Variants in ERBB4 observed in about 807,000 individuals in gnomAD.
ERBB4 encodes the protein erb-b2 receptor tyrosine kinase 4, also known as receptor tyrosine-protein kinase erbB-4.
ERBB4 carries 42 observed loss-of-function variants against 158.0 expected under a neutral mutation model. The observed-to-expected ratio is 0.27, with a 90% CI of 0.21 to 0.34. The LOEUF (loss-of-function observed/expected upper bound fraction) is 0.34, where lower values mean the gene tolerates loss of function less well. Among genes scored for constraint, ERBB4 ranks in the 10% least tolerant of loss-of-function variants. The pLI, the probability that ERBB4 is intolerant of heterozygous loss-of-function variation, is 1.00. For missense variants in ERBB4, 1,333 were observed against 1,624.1 expected (o/e 0.82, Z 3.08); for synonymous variants, 583 against 558.7 (o/e 1.04, Z -0.61).
At chr2:212,373,857 A>G (rs2090187049) in intron 1 of ERBB4, among the ~76,000 whole-genome samples, 1 of 135,512 alleles carries the variant, frequency 7.4e-6, no homozygotes, top group South Asian at 2.4e-4. Flanking sequence ...ATATCCATGT[A>G]TATATCCATA....
At chr2:211,914,827 C>G (rs1175670440) in intron 3 of ERBB4, among the ~76,000 whole-genome samples, 2 of 151,904 alleles carry the variant, frequency 1.3e-5, no homozygotes, top group Non-Finnish European at 2.9e-5. Flanking sequence ...TTATTCTTAT[C>G]AATATTATTG....
In ERBB4 at chr2:211,376,179, G is replaced by C; in HGVS notation, c.*7436C>G. 4.3e-6 allele frequency: 1 copy of C among 233,160 alleles called. No individual in the cohort carries two copies. The highest frequency in any genetic ancestry group is 8.5e-6 in the Non-Finnish European group (1 of 117,744). The allele number at this position is 233,160 out of a possible 1,614,324, so 14.4% of individuals were successfully genotyped here. ...TTGGCATATCCTATTGTGTAAGCGA[G>C]TGCAGAGGTTGAACACATCACAATA... On this transcript the variant is annotated 3_prime_UTR_variant, in exon 28 of 28. Coordinates refer to ENST00000342788, the MANE Select transcript of ERBB4 (RefSeq NM_005235.3).
chr2:212,303,205 A>G (rs1007962778), intron 1 of ERBB4, among the ~76,000 whole-genome samples: 5 of 151,542 alleles, frequency 3.3e-5, no homozygotes, highest in Middle Eastern at 3.4e-3. Context: ...TTTCAGCAAA[A>G]GTGAGCATTT....
chr2:211,440,698 C>T (rs1332866025), intron 20 of ERBB4, among the ~76,000 whole-genome samples: 1 of 152,092 alleles, frequency 6.6e-6, no homozygotes, highest in African/African-American at 2.4e-5. Context: ...ATCATATAGA[C>T]CTAAATAATT....
chr2:211,944,208 A>AG (rs1553517920), intron 3 of ERBB4, among the ~76,000 whole-genome samples: 2 of 19,466 alleles, frequency 1.0e-4, no homozygotes, highest in Non-Finnish European at 1.1e-4. Context: ...TACTATATAT[A>AG]TATATACACA....
intron 14 of ERBB4, among the ~76,000 whole-genome samples, chr2:211,671,681 T>A (rs2071845475): frequency 6.6e-6 from 1 of 152,182 alleles, no homozygotes; most frequent in Non-Finnish European, 1.5e-5. Context: ...AATTATACAT[T>A]TTGAAAAGTT....
chr2:211,478,223 A>G (rs1166144914), intron 20 of ERBB4, among the ~76,000 whole-genome samples: 1 of 152,212 alleles, frequency 6.6e-6, no homozygotes, highest in African/African-American at 2.4e-5. Flanking sequence ...ACAATAGTCT[A>G]TGCCAGCATT....
intron 1 of ERBB4, among the ~76,000 whole-genome samples, chr2:212,176,551 T>G (rs1281463944): frequency 6.6e-6 from 1 of 151,990 alleles, no homozygotes; most frequent in Non-Finnish European, 1.5e-5. Context: ...GTATGTTGTT[T>G]AAGCCACCCA....
intron 3 of ERBB4, among the ~76,000 whole-genome samples, chr2:211,866,716 T>C (rs1260421108): frequency 6.6e-6 from 1 of 152,150 alleles, no homozygotes; most frequent in Non-Finnish European, 1.5e-5. Flanking sequence ...TTATAAAAAG[T>C]ATTATCTAAG....
intron 24 of ERBB4, 96 bp downstream of exon 24, chr2:211,421,911 G>T: frequency 1.3e-6 from 1 of 783,976 alleles, no homozygotes; most frequent in African/African-American, 1.7e-5. Context: ...CAACATGTTT[G>T]TGGTCCTTTC....
intron 1 of ERBB4, among the ~76,000 whole-genome samples, chr2:212,289,588 T>C (rs2086129253): frequency 6.6e-6 from 1 of 152,178 alleles, no homozygotes; most frequent in Non-Finnish European, 1.5e-5. Context: ...TGAGACAGTT[T>C]AAATTCAAAG....
chr2:212,225,098 A>G (rs1489369529), intron 1 of ERBB4, among the ~76,000 whole-genome samples: 1 of 151,938 alleles, frequency 6.6e-6, no homozygotes, highest in Non-Finnish European at 1.5e-5. Flanking sequence ...AAGTTATATG[A>G]AAGTTTTTAT....
At chr2:211,718,039 A>G (rs1195374816) in intron 7 of ERBB4, among the ~76,000 whole-genome samples, 1 of 151,624 alleles carries the variant, frequency 6.6e-6, no homozygotes, top group African/African-American at 2.4e-5. Context: ...AGCTTCCCAA[A>G]TAGCTGGGAT....
intron 2 of ERBB4, among the ~76,000 whole-genome samples, chr2:212,066,211 C>A (rs2077943424): frequency 6.6e-6 from 1 of 151,882 alleles, no homozygotes; most frequent in Admixed American, 6.6e-5. Flanking sequence ...AACTTGTGTC[C>A]TAAACTCCTC....
chr2:212,198,418 T>C (rs2082493741), intron 1 of ERBB4, among the ~76,000 whole-genome samples: 1 of 152,178 alleles, frequency 6.6e-6, no homozygotes, highest in East Asian at 1.9e-4. Flanking sequence ...TATGTCTTTA[T>C]GAATGTGACT....
At chr2:211,567,694 A>C (rs1461795718) in intron 19 of ERBB4, among the ~76,000 whole-genome samples, 1 of 152,138 alleles carries the variant, frequency 6.6e-6, no homozygotes, top group Non-Finnish European at 1.5e-5. Context: ...ATCACACTAC[A>C]AAGAGTATTT....
At chr2:211,586,172 A>C (rs1200034763) in intron 19 of ERBB4, among the ~76,000 whole-genome samples, 1 of 152,180 alleles carries the variant, frequency 6.6e-6, no homozygotes, top group Non-Finnish European at 1.5e-5. Flanking sequence ...GCCAAACAAA[A>C]ACAAAACTGA....
intron 3 of ERBB4, among the ~76,000 whole-genome samples, chr2:211,811,432 T>C (rs1384056027): frequency 6.6e-6 from 1 of 152,142 alleles, no homozygotes; most frequent in African/African-American, 2.4e-5. Flanking sequence ...CCTTTCTCTC[T>C]GGCTGCCCTT....
intron 9 of ERBB4, among the ~76,000 whole-genome samples, chr2:211,709,592 A>G (rs1470108011): frequency 6.6e-6 from 1 of 152,034 alleles, no homozygotes; most frequent in Non-Finnish European, 1.5e-5. Context: ...TTTCAGTTGT[A>G]ACAGAGACTG....
Sources: gnomAD v4.1 joint callset for allele counts (sites outside exome capture counted in the v4.1 genomes callset) on GRCh38, gnomAD v4.1.1 for gene constraint, MANE v1.5 for transcripts, NCBI Gene and HGNC (gene_info 2026-07-23, HGNC 2026-07-21) for gene names.